The following GPC5 variants were observed in gnomAD, a reference collection of about 807,000 sequenced individuals.
The protein encoded by GPC5 is glypican 5, also known as glypican-5.
GPC5 carries 47 observed loss-of-function variants against 53.9 expected under a neutral mutation model. The observed-to-expected ratio is 0.87, with a 90% CI of 0.69 to 1.11. The LOEUF (loss-of-function observed/expected upper bound fraction) is 1.11. Among genes scored for constraint, GPC5 ranks in the 50% most tolerant of loss-of-function variants. The pLI is 0.00. For missense variants in GPC5, 748 were observed against 713.1 expected, an observed-to-expected ratio of 1.05 and a Z score of -0.56; for synonymous variants, 286 against 263.3, an observed-to-expected ratio of 1.09 and a Z score of -0.84.
intron 2 of GPC5, among the ~76,000 whole-genome samples, chr13:91,602,894 G>T (rs7336990): frequency 0.026 from 3,934 of 152,226 alleles, 164 homozygotes; most frequent in African/African-American, 0.089. Context: ...CATATCTCTA[G>T]CAAGGAACTA....
chr13:92,347,924 T>TAA (rs1491168569), intron 7 of GPC5, among the ~76,000 whole-genome samples: 1 of 3,700 alleles, frequency 2.7e-4, no homozygotes, highest in African/African-American at 2.1e-3. Context: ...TATATATATA[T>TAA]TATATATACA....
At chr13:91,869,443 C>T (rs1248998629) in intron 5 of GPC5, among the ~76,000 whole-genome samples, 1 of 152,176 alleles carries the variant, frequency 6.6e-6, no homozygotes, top group Non-Finnish European at 1.5e-5. Flanking sequence ...ATGTACCACA[C>T]TACTGCAATA....
chr13:92,240,459 A>G (rs1421640206), intron 7 of GPC5: 1 of 152,120 alleles, frequency 6.6e-6, no homozygotes, highest in African/African-American at 2.4e-5. Context: ...ATCTGTTAAA[A>G]GAATGTTGCA....
intron 1 of GPC5, among the ~76,000 whole-genome samples, chr13:91,436,527 T>G (rs1879980345): frequency 6.6e-6 from 1 of 152,214 alleles, no homozygotes; most frequent in Non-Finnish European, 1.5e-5. Context: ...TGAGTTCTAG[T>G]TTGATTGCAC....
intron 2 of GPC5, among the ~76,000 whole-genome samples, chr13:91,555,769 T>G: frequency 6.6e-6 from 1 of 152,044 alleles, no homozygotes; most frequent in East Asian, 1.9e-4. Context: ...AAGTCACATC[T>G]TACCTTGCAG....
chr13:92,789,269 C>T (rs954079654), intron 7 of GPC5, among the ~76,000 whole-genome samples: 2 of 152,118 alleles, frequency 1.3e-5, no homozygotes, highest in Admixed American at 1.3e-4. Flanking sequence ...TCTTCATGTA[C>T]ACCACATGGA....
At chr13:92,284,469 G>A (rs2042939308) in intron 7 of GPC5, among the ~76,000 whole-genome samples, 1 of 152,170 alleles carries the variant, frequency 6.6e-6, no homozygotes, top group South Asian at 2.1e-4. Context: ...TATCCCTGAT[G>A]AACATCAATG....
chr13:92,223,597 A>T (rs1421173246), intron 7 of GPC5, among the ~76,000 whole-genome samples: 9 of 152,290 alleles, frequency 5.9e-5, no homozygotes, highest in Non-Finnish European at 1.0e-4. Context: ...AGCATATGAT[A>T]TAAAAAGATG....
At chr13:91,907,137 A>G (rs2039561585) in intron 5 of GPC5, among the ~76,000 whole-genome samples, 1 of 149,450 alleles carries the variant, frequency 6.7e-6, no homozygotes, top group African/African-American at 2.4e-5. Flanking sequence ...ATTATTACAC[A>G]TTAATAACAT....
At chr13:91,699,354 A>G (rs1050902599) in intron 3 of GPC5, among the ~76,000 whole-genome samples, 2 of 152,214 alleles carry the variant, frequency 1.3e-5, no homozygotes, top group African/African-American at 2.4e-5. Flanking sequence ...GTTGTATATA[A>G]GCTACCTCAT....
rs1390242749 is a variant in GPC5 at position 91,436,690 on chromosome 13, A to G, written c.164-12071A>G. Among the ~76,000 whole-genome samples, 3 of 152,160 alleles carry G rather than the reference A, an allele frequency of 2.0e-5. No individual in the cohort carries two copies. The South Asian group carries it at 6.2e-4, about 32-fold the overall frequency. On this transcript the variant is annotated intron_variant, in intron 1 of 7. Coordinates refer to ENST00000377067, the MANE Select transcript of GPC5 (RefSeq NM_004466.6). Reference sequence around the variant, plus strand: ...TGATTTGGGGTGGAGAGTTCTGTAGATGTCTGTTAGGTCTGCTTGGTGCAG... The same window carrying G: ...TGATTTGGGGTGGAGAGTTCTGTAGGTGTCTGTTAGGTCTGCTTGGTGCAG...
At chr13:92,283,816 C>T (rs1388194631) in intron 7 of GPC5, among the ~76,000 whole-genome samples, 1 of 152,196 alleles carries the variant, frequency 6.6e-6, no homozygotes, top group Non-Finnish European at 1.5e-5. Context: ...GACACCCTAA[C>T]ATCACATTAA....
intron 7 of GPC5, among the ~76,000 whole-genome samples, chr13:92,334,547 G>C (rs1056108297): frequency 2.0e-5 from 3 of 152,070 alleles, no homozygotes; most frequent in Non-Finnish European, 4.4e-5. Context: ...CCTCCCAACA[G>C]TCCCTCAGAG....
chr13:91,768,414 A>AT (rs1373980420), intron 5 of GPC5, among the ~76,000 whole-genome samples: 5 of 152,202 alleles, frequency 3.3e-5, no homozygotes, highest in Non-Finnish European at 1.5e-5. Flanking sequence ...CATGATTAAT[A>AT]TTTTTTGTGT....
intron 6 of GPC5, chr13:91,996,672 C>T (rs2040506795): frequency 6.6e-6 from 1 of 152,184 alleles, no homozygotes; most frequent in African/African-American, 2.4e-5. Flanking sequence ...TTTGTGTTCT[C>T]TTTGGATCCC....
intron 4 of GPC5, among the ~76,000 whole-genome samples, chr13:91,755,797 T>G (rs1188151632): frequency 6.6e-6 from 1 of 152,058 alleles, no homozygotes; most frequent in Non-Finnish European, 1.5e-5. Context: ...AAGACCCAGA[T>G]AGGAAAATAA....
intron 7 of GPC5, among the ~76,000 whole-genome samples, chr13:92,589,519 A>G (rs1883650692): frequency 6.6e-6 from 1 of 152,230 alleles, no homozygotes; most frequent in Non-Finnish European, 1.5e-5. Context: ...TTTTAAAATC[A>G]TAAAAAATGT....
chr13:91,556,643 A>G (rs2138871819), intron 2 of GPC5, among the ~76,000 whole-genome samples: 1 of 152,016 alleles, frequency 6.6e-6, no homozygotes, highest in African/African-American at 2.4e-5. Context: ...TTCAGCCATA[A>G]AAAGGAACAA....
intron 2 of GPC5, among the ~76,000 whole-genome samples, chr13:91,613,154 A>T (rs1180872279): frequency 6.6e-6 from 1 of 152,202 alleles, no homozygotes; most frequent in Non-Finnish European, 1.5e-5. Context: ...TCAATATATG[A>T]CATTACAGAT....
Sources: gnomAD v4.1 joint callset for allele counts (sites outside exome capture counted in the v4.1 genomes callset) on GRCh38, gnomAD v4.1.1 for gene constraint, MANE v1.5 for transcripts, NCBI Gene and HGNC (gene_info 2026-07-23, HGNC 2026-07-21) for gene names.